ADGRV1: variants seen among roughly 807,000 people sequenced by gnomAD.
ADGRV1 encodes adhesion G protein-coupled receptor V1.
ADGRV1 carries 359 observed loss-of-function variants against 596.2 expected under a neutral mutation model. That is an observed-to-expected ratio of 0.60 (90% CI 0.55 to 0.66). The LOEUF is 0.66. Ranked by LOEUF, ADGRV1 falls within the 30% of genes least tolerant of loss-of-function variation. The pLI is 0.00. For synonymous variants in ADGRV1, 2,681 were observed against 2,679.2 expected, an observed-to-expected ratio of 1.00 and a Z score of -0.02; for missense variants, 7,274 against 7,575.6, an observed-to-expected ratio of 0.96 and a Z score of 1.48.
intron 51 of ADGRV1, 149 bp downstream of exon 51, chr5:90,745,414 A>G (rs556816682): frequency 8.4e-6 from 6 of 712,110 alleles, no homozygotes; most frequent in Admixed American, 3.1e-5. Context: ...CCATGTTTCT[A>G]ATATCTATTC....
At chr5:91,026,599 A>G (rs1191081278) in intron 85 of ADGRV1, among the ~76,000 whole-genome samples, 1 of 151,998 alleles carries the variant, frequency 6.6e-6, no homozygotes, top group Non-Finnish European at 1.5e-5. Context: ...GCTCTTAGGG[A>G]GGCTTCATGA....
intron 29 of ADGRV1, among the ~76,000 whole-genome samples, chr5:90,689,554 C>A (rs1746190203): frequency 6.6e-6 from 1 of 151,628 alleles, no homozygotes; most frequent in Non-Finnish European, 1.5e-5. Context: ...GTTAAGGGGG[C>A]CTATCTTGTA....
rs1370434691 is a variant in ADGRV1 at position 90,863,969 on chromosome 5, C to CTTGT, written c.17856+115_17856+118dup. 1.3e-5 allele frequency: 9 copies of CTTGT among 708,000 alleles called. No individual in the cohort carries two copies. In the East Asian group the frequency reaches 2.4e-4, roughly 19 times the overall value. The allele number at this position is 708,000 out of a possible 1,614,324, so 43.9% of individuals were successfully genotyped here. A position where few individuals can be genotyped will look rare whatever the true frequency, so the allele number is the denominator to read the frequency against. ...TTAATCTCAACTTAGTTGAAATAAA[C>CTTGT]TTGTTTAGTTTTGCAGTGGAAGAGA... On this transcript the variant is annotated intron_variant, in intron 83 of 89. Coordinates refer to ENST00000405460, the MANE Select transcript of ADGRV1 (RefSeq NM_032119.4).
At chr5:90,791,706 T>C (rs1461809416) in intron 70 of ADGRV1, 1 of 182,796 alleles carries the variant, frequency 5.5e-6, no homozygotes, top group Non-Finnish European at 1.1e-5. Flanking sequence ...TAGGCTTCTT[T>C]GTGCTTCTAG....
chr5:91,160,256 A>G (rs1352306494), intron 89 of ADGRV1, among the ~76,000 whole-genome samples: 1 of 152,268 alleles, frequency 6.6e-6, no homozygotes, highest in Non-Finnish European at 1.5e-5. Flanking sequence ...AAGATATCCC[A>G]TCAAACCACA....
rs7714506 is a variant in ADGRV1 at position 90,711,471 on chromosome 5, T to A, written c.9042+149T>A. On this transcript the variant is annotated intron_variant, in intron 41 of 89. Transcript: ENST00000405460. ...CAGTAAATTAGGACAGAAGATTTCC[T>A]CATGGTAAAATAGTTCCCTTAACTA... 363,725 of 530,752 alleles carry A rather than the reference T, an allele frequency of 0.69. 128,223 individuals are homozygous for A. Among genetic ancestry groups the A allele is most frequent in the African/African-American group, 0.89 (45,378 of 50,726 alleles). The allele number at this position is 530,752 out of a possible 1,614,324, so 32.9% of individuals were successfully genotyped here. A position where few individuals can be genotyped will look rare whatever the true frequency, so the allele number is the denominator to read the frequency against.
intron 77 of ADGRV1, among the ~76,000 whole-genome samples, chr5:90,837,603 CA>C (rs1765086917): frequency 6.6e-6 from 1 of 152,110 alleles, no homozygotes; most frequent in Admixed American, 6.5e-5. Context: ...CTCCTGACCT[CA>C]AGTGATCCAC....
Position 90,700,325 on chromosome 5 carries a change from A to C in ADGRV1, c.8155+3179A>C, listed in dbSNP as rs553784074. Among the ~76,000 whole-genome samples, 30 of 152,314 alleles carry C rather than the reference A, an allele frequency of 2.0e-4. No individual in the cohort carries two copies. The East Asian group carries it at 5.6e-3, about 28-fold the overall frequency. ...TGTGATTAGATTTAAAATGTGGACT[A>C]TGCTGAACTTCTGGCTCTAGAATGC... On this transcript the variant is annotated intron_variant, in intron 34 of 89. Transcript: ENST00000405460.
At chr5:91,056,345 G>T (rs976629591) in intron 85 of ADGRV1, among the ~76,000 whole-genome samples, 2 of 151,928 alleles carry the variant, frequency 1.3e-5, no homozygotes, top group Non-Finnish European at 2.9e-5. Context: ...CTTTTTTTTG[G>T]TGGAAGTTTG....
At chr5:90,622,575 C>T in intron 4 of ADGRV1, 22 bp from the exon 5 acceptor site, 2 of 1,228,012 alleles carry the variant, frequency 1.6e-6, no homozygotes, top group East Asian at 2.8e-5. Flanking sequence ...TCCTGATCAT[C>T]TGTGCTTGCT....
intron 72 of ADGRV1, among the ~76,000 whole-genome samples, chr5:90,806,695 C>T (rs573153310): frequency 2.1e-4 from 32 of 152,192 alleles, no homozygotes; most frequent in Non-Finnish European, 3.7e-4. Context: ...TTTATGTTAA[C>T]TTGATTCAGC....
At chr5:90,872,278 A>T (rs1768762481) in intron 83 of ADGRV1, among the ~76,000 whole-genome samples, 1 of 152,070 alleles carries the variant, frequency 6.6e-6, no homozygotes, top group Non-Finnish European at 1.5e-5. Context: ...AATTTTGTTT[A>T]TAGTTTTTAA....
At chr5:90,691,936 A>G (rs962634071) in intron 31 of ADGRV1, among the ~76,000 whole-genome samples, 9 of 152,220 alleles carry the variant, frequency 5.9e-5, no homozygotes, top group Non-Finnish European at 1.3e-4. Context: ...ACTAACATAC[A>G]TTGGCTGAAG....
intron 87 of ADGRV1, among the ~76,000 whole-genome samples, chr5:91,132,091 G>A (rs890461534): frequency 3.3e-5 from 5 of 152,104 alleles, no homozygotes; most frequent in Admixed American, 2.0e-4. Context: ...TTTGTCAAAG[G>A]TCAGTTGATT....
chr5:91,111,794 C>T (rs1246670226), intron 87 of ADGRV1, among the ~76,000 whole-genome samples: 1 of 152,014 alleles, frequency 6.6e-6, no homozygotes, highest in Non-Finnish European at 1.5e-5. Flanking sequence ...TGATTTGTCC[C>T]AGAGCCATGT....
At chr5:90,621,115 A>G (rs1462012224) in intron 4 of ADGRV1, among the ~76,000 whole-genome samples, 1 of 152,256 alleles carries the variant, frequency 6.6e-6, no homozygotes, top group Non-Finnish European at 1.5e-5. Flanking sequence ...AACCAAGTTT[A>G]TCTCCAATAC....
chr5:90,672,775 A>G, intron 22 of ADGRV1, 53 bp downstream of exon 22: 1 of 1,344,930 alleles, frequency 7.4e-7, no homozygotes, highest in Non-Finnish European at 1.0e-6. Context: ...GCTTTTCCTG[A>G]AGTGTTTGTT....
intron 84 of ADGRV1, among the ~76,000 whole-genome samples, chr5:90,982,854 G>A (rs1462762762): frequency 6.6e-6 from 1 of 152,208 alleles, no homozygotes; most frequent in Non-Finnish European, 1.5e-5. Flanking sequence ...GAGGGTTAGA[G>A]AGGCAGGGTT....
chr5:91,118,225 A>T (rs375412354), intron 87 of ADGRV1, among the ~76,000 whole-genome samples: 1 of 152,102 alleles, frequency 6.6e-6, no homozygotes, highest in South Asian at 2.1e-4. Flanking sequence ...GAGCATAGTT[A>T]TCCTTGTCTG....
Sources: allele counts gnomAD v4.1 joint callset (sites outside exome capture counted in the v4.1 genomes callset), GRCh38; gene constraint gnomAD v4.1.1; transcripts MANE v1.5; gene names NCBI Gene and HGNC (gene_info 2026-07-23, HGNC 2026-07-21).